The following TTL variants were observed in gnomAD, a reference collection of about 807,000 sequenced individuals.
TTL encodes tubulin tyrosine ligase.
In TTL, 10 loss-of-function variants were observed where a neutral mutation model predicts 41.1. The observed-to-expected ratio is 0.24, with a 90% CI of 0.15 to 0.41. The LOEUF (loss-of-function observed/expected upper bound fraction) is 0.41, where lower values mean the gene tolerates loss of function less well. Among genes scored for constraint, TTL ranks in the 10% least tolerant of loss-of-function variants. The probability of loss-of-function intolerance (pLI) is 1.00; values close to 1 mark genes in which losing one functional copy is unlikely to be tolerated. For missense variants in TTL, 367 were observed against 460.4 expected, an observed-to-expected ratio of 0.80 and a Z score of 1.86; for synonymous variants, 175 against 175.5, an observed-to-expected ratio of 1.00 and a Z score of 0.02.
chr2:112,502,225 C>T lies in TTL; in HGVS notation c.606-687C>T, dbSNP rs368240157. On this transcript the variant is annotated intron_variant, in intron 4 of 6. Coordinates refer to ENST00000233336, the MANE Select transcript of TTL (RefSeq NM_153712.5). ...CTCTGTCTCCTTGATTGCTTCATAACGATTTGTCGCTTCTTGAACATCAAC... is the reference window on the plus strand; with the variant it reads ...CTCTGTCTCCTTGATTGCTTCATAATGATTTGTCGCTTCTTGAACATCAAC... Among the ~76,000 whole-genome samples the T allele has an allele frequency of 5.3e-5, 8 of 152,268 alleles. No homozygotes were observed. The South Asian group carries it at 1.7e-3, about 32-fold the overall frequency.
intron 5 of TTL, among the ~76,000 whole-genome samples, chr2:112,511,656 C>CCAGGCT (rs1390382318): frequency 6.6e-6 from 1 of 151,986 alleles, no homozygotes; most frequent in Non-Finnish European, 1.5e-5. Context: ...CCTCTGCCTC[C>CCAGGCT]CAGGCTCAAG....
At chr2:112,490,483 G>T (rs964740598) in intron 2 of TTL, among the ~76,000 whole-genome samples, 1 of 151,278 alleles carries the variant, frequency 6.6e-6, no homozygotes, top group Non-Finnish European at 1.5e-5. Context: ...AACACATAAT[G>T]CAATGAAGCA....
chr2:112,516,352 C>A lies in TTL; in HGVS notation c.876-3930C>A, dbSNP rs541613170. On this transcript the variant is annotated intron_variant, in intron 5 of 6. Transcript: ENST00000233336. ...TTGACCCAGGGCCACTTGTCCTTTC[C>A]CCGCTGCATTGTGGTGTGTCTTTGT... Among the ~76,000 whole-genome samples, 9 of 152,196 alleles carry A rather than the reference C, an allele frequency of 5.9e-5. No homozygotes were observed. The East Asian group carries it at 1.7e-3, about 29-fold the overall frequency.
At chr2:112,518,811 A>C (rs1574069639) in intron 5 of TTL, among the ~76,000 whole-genome samples, 1 of 151,344 alleles carries the variant, frequency 6.6e-6, no homozygotes, top group African/African-American at 2.4e-5. Context: ...AGTAGCTGGG[A>C]TTATAGGCAC....
At chr2:112,522,726 A>G (rs1042235568) in intron 6 of TTL, among the ~76,000 whole-genome samples, 2 of 151,774 alleles carry the variant, frequency 1.3e-5, no homozygotes, top group African/African-American at 4.8e-5. Flanking sequence ...TGCTCCCCCC[A>G]GAGACTAAGC....
At chr2:112,509,913 C>T (rs1028068721) in intron 5 of TTL, among the ~76,000 whole-genome samples, 5 of 152,132 alleles carry the variant, frequency 3.3e-5, no homozygotes, top group Non-Finnish European at 7.4e-5. Context: ...GGATTACAGG[C>T]GTAAGCCACC....
rs566569464 is a variant in TTL at position 112,529,309 on chromosome 2, C to T, written c.*514C>T. On this transcript the variant is annotated 3_prime_UTR_variant, in exon 7 of 7. Transcript: ENST00000233336. ...AGTTTTGTGCTGTGCACTGGCCTCT[C>T]GGCAAAGGTGGTTTCCCTCATCACC... 43 of 232,580 alleles carry T rather than the reference C, an allele frequency of 1.8e-4. No individual in the cohort carries two copies. Among genetic ancestry groups the T allele is most frequent in the Admixed American group, 1.7e-3 (30 of 18,008 alleles). 14.4% of individuals were successfully genotyped at this position (232,580 alleles called of 1,614,324 possible). A position where few individuals can be genotyped will look rare whatever the true frequency, so the allele number is the denominator to read the frequency against.
rs76898093 is a variant in TTL, at chr2:112,495,250, C to T, written c.469+875C>T. On this transcript the variant is annotated intron_variant, in intron 3 of 6. Transcript: ENST00000233336. ...GGCTTTTCTAATCTAAAATAGCCTC[C>T]GTGTCCATTGCTTTCTTTCCCTTTC... Among the ~76,000 whole-genome samples the T allele has an allele frequency of 9.2e-3, 1,408 of 152,264 alleles. 12 individuals carry two copies. The highest frequency in any genetic ancestry group is 0.016 in the Non-Finnish European group (1,083 of 68,030).
chr2:112,502,162 A>G (rs34179430), intron 4 of TTL, among the ~76,000 whole-genome samples: 26,878 of 152,120 alleles, frequency 0.18, 2,646 homozygotes, highest in East Asian at 0.28. Flanking sequence ...TCCCTCTCCA[A>G]CTTACCCTTG....
intron 6 of TTL, among the ~76,000 whole-genome samples, chr2:112,523,553 C>G (rs1217418573): frequency 6.6e-6 from 1 of 152,034 alleles, no homozygotes; most frequent in Non-Finnish European, 1.5e-5. Flanking sequence ...GGAGTCTTCT[C>G]CAGTGTCCCT....
At chr2:112,502,545 G>A (rs1438003667) in intron 4 of TTL, among the ~76,000 whole-genome samples, 1 of 151,698 alleles carries the variant, frequency 6.6e-6, no homozygotes, top group African/African-American at 2.4e-5. Flanking sequence ...GCTGAGGCAG[G>A]AGAATTGCTT....
chr2:112,533,479 C>T lies in TTL; in HGVS notation c.*4684C>T, dbSNP rs1018279624. On this transcript the variant is annotated 3_prime_UTR_variant, in exon 7 of 7. Transcript: ENST00000233336. ...TTTTCCCCAAAGCATCCCTCCATAT[C>T]TTAGTCTATTTTGTATTGCCATAAC... The T allele has an allele frequency of 3.3e-5, 5 of 152,202 alleles. No individual in the cohort carries two copies. The highest frequency in any genetic ancestry group is 3.2e-3 in the Middle Eastern group (1 of 316). 9.4% of individuals were successfully genotyped at this position (152,202 alleles called of 1,614,324 possible).
chr2:112,495,875 A>C (rs1269235885), intron 3 of TTL, among the ~76,000 whole-genome samples: 1 of 151,816 alleles, frequency 6.6e-6, no homozygotes, highest in African/African-American at 2.4e-5. Flanking sequence ...TTTTGAACTC[A>C]CTTCTTGTAT....
At chr2:112,515,340 A>C (rs917154987) in intron 5 of TTL, among the ~76,000 whole-genome samples, 2 of 152,166 alleles carry the variant, frequency 1.3e-5, no homozygotes, top group African/African-American at 4.8e-5. Flanking sequence ...TATCCTGTAA[A>C]ACCTAATATA....
In TTL at chr2:112,530,459, G is replaced by A. The variant is rs556286512; in HGVS notation, c.*1664G>A. ...CCTGTAGAGCAAAATAAAACAGTCA[G>A]TTGTAGTCATTAATCCTTGAGGCCC... On this transcript the variant is annotated 3_prime_UTR_variant, in exon 7 of 7. Transcript: ENST00000233336. The A allele has an allele frequency of 4.4e-6, 1 of 228,248 alleles. No homozygotes were observed. Among genetic ancestry groups the A allele is most frequent in the Non-Finnish European group, 8.7e-6 (1 of 114,920 alleles). 14.1% of individuals were successfully genotyped at this position (228,248 alleles called of 1,614,324 possible). A position where few individuals can be genotyped will look rare whatever the true frequency, so the allele number is the denominator to read the frequency against.
chr2:112,490,881 A>G (rs1396136942), intron 2 of TTL, among the ~76,000 whole-genome samples: 1 of 152,014 alleles, frequency 6.6e-6, no homozygotes, highest in Non-Finnish European at 1.5e-5. Context: ...CCATAAATCC[A>G]TATTTTAATA....
chr2:112,496,906 C>T (rs576138649), intron 3 of TTL, among the ~76,000 whole-genome samples: 2 of 151,696 alleles, frequency 1.3e-5, no homozygotes, highest in Admixed American at 6.6e-5. Flanking sequence ...CTGCAAGCTC[C>T]GCCTCCCAGG....
In TTL at chr2:112,531,542, T is replaced by C. The variant is rs1682508866; in HGVS notation, c.*2747T>C. On this transcript the variant is annotated 3_prime_UTR_variant, in exon 7 of 7. Coordinates refer to ENST00000233336, the MANE Select transcript of TTL (RefSeq NM_153712.5). ...GAATGACTGTGAAGCTTTTAAAAAA[T>C]GTTAGTGCCCACTCTTCCCCTGTAC... is the stretch of plus-strand genomic sequence containing the variant. 4.3e-6 allele frequency: 1 copy of C among 230,162 alleles called. No individual in the cohort carries two copies. The highest frequency in any genetic ancestry group is 8.6e-6 in the Non-Finnish European group (1 of 116,010). 14.3% of individuals were successfully genotyped at this position (230,162 alleles called of 1,614,324 possible).
At chr2:112,485,697 A>G (rs1373299617) in intron 1 of TTL, among the ~76,000 whole-genome samples, 3 of 152,222 alleles carry the variant, frequency 2.0e-5, no homozygotes, top group Non-Finnish European at 4.4e-5. Context: ...TGGCAAACCT[A>G]CGATGTTGAT....
Sources: allele counts gnomAD v4.1 joint callset (sites outside exome capture counted in the v4.1 genomes callset), GRCh38; gene constraint gnomAD v4.1.1; transcripts MANE v1.5; gene names NCBI Gene and HGNC (gene_info 2026-07-23, HGNC 2026-07-21).